The following ACBD6 variants were observed in gnomAD, a reference collection of about 807,000 sequenced individuals.
ACBD6 encodes acyl-CoA binding domain containing 6.
In ACBD6, 28 loss-of-function variants were observed where a neutral mutation model predicts 37.2. The observed-to-expected ratio is 0.75, with a 90% CI of 0.56 to 1.03. The LOEUF is 1.03. Among genes scored for constraint, ACBD6 ranks in the 50% least tolerant of loss-of-function variants. The pLI is 0.00. For missense variants in ACBD6, 340 were observed against 337.4 expected, an observed-to-expected ratio of 1.01 and a Z score of -0.06; for synonymous variants, 113 against 126.8, an observed-to-expected ratio of 0.89 and a Z score of 0.73.
At position 180,377,262 on chromosome 1, in the gene ACBD6, T is replaced by C. The variant is rs1653471272; in HGVS notation, c.663+20254A>G. 3.9e-5 allele frequency among the ~76,000 whole-genome samples: 6 copies of C among 152,040 alleles called. No homozygotes were observed. The South Asian group carries it at 1.2e-3, about 31-fold the overall frequency. On this transcript the variant is annotated intron_variant, in intron 6 of 7. Coordinates refer to ENST00000367595, the MANE Select transcript of ACBD6 (RefSeq NM_032360.4). ...ACACGATATTCTATACAAATACAGATACAGAGATACAGAAATAGAGTATGT... is the reference window on the plus strand; with the variant it reads ...ACACGATATTCTATACAAATACAGACACAGAGATACAGAAATAGAGTATGT...
chr1:180,373,286 AT>A (rs1653326013), intron 6 of ACBD6, among the ~76,000 whole-genome samples: 1 of 152,190 alleles, frequency 6.6e-6, no homozygotes, highest in African/African-American at 2.4e-5. Context: ...GAATACAAAA[AT>A]CAAAGTACTT....
chr1:180,452,241 G>A (rs1571529899), intron 3 of ACBD6, among the ~76,000 whole-genome samples: 1 of 152,136 alleles, frequency 6.6e-6, no homozygotes, highest in Non-Finnish European at 1.5e-5. Context: ...GGAGGCTGAC[G>A]TGGGCAGATC....
At chr1:180,489,960 G>A (rs1651429635) in intron 3 of ACBD6, among the ~76,000 whole-genome samples, 1 of 152,112 alleles carries the variant, frequency 6.6e-6, no homozygotes, top group African/African-American at 2.4e-5. Flanking sequence ...TGCTTGGCCT[G>A]CAAGCATTTT....
chr1:180,322,339 C>A (rs1651106241), intron 6 of ACBD6, among the ~76,000 whole-genome samples: 1 of 151,842 alleles, frequency 6.6e-6, no homozygotes, highest in South Asian at 2.1e-4. Flanking sequence ...TGATCTTTGT[C>A]TGGTTTTGGT....
At chr1:180,323,166 T>C (rs1024090393) in intron 6 of ACBD6, among the ~76,000 whole-genome samples, 4 of 152,048 alleles carry the variant, frequency 2.6e-5, no homozygotes, top group Non-Finnish European at 4.4e-5. Context: ...TTTCCAAAAT[T>C]ATTCTTGTTA....
chr1:180,467,196 C>G (rs1051329891), intron 3 of ACBD6, among the ~76,000 whole-genome samples: 3 of 152,036 alleles, frequency 2.0e-5, no homozygotes, highest in African/African-American at 7.2e-5. Flanking sequence ...CCTCCCATCT[C>G]AGCCTTCTGA....
At chr1:180,296,927 C>A (rs1003743849) in intron 7 of ACBD6, among the ~76,000 whole-genome samples, 1 of 151,936 alleles carries the variant, frequency 6.6e-6, no homozygotes, top group South Asian at 2.1e-4. Flanking sequence ...GAGATCGAAA[C>A]CATCCTGGCT....
intron 4 of ACBD6, among the ~76,000 whole-genome samples, chr1:180,414,766 A>C (rs935169681): frequency 1.3e-5 from 2 of 152,242 alleles, no homozygotes; most frequent in African/African-American, 4.8e-5. Flanking sequence ...GGTTTTAAGT[A>C]AGAAATCATG....
chr1:180,422,975 T>C (rs1160140225), intron 4 of ACBD6, among the ~76,000 whole-genome samples: 1 of 152,228 alleles, frequency 6.6e-6, no homozygotes, highest in Non-Finnish European at 1.5e-5. Context: ...GCTTTTTTTT[T>C]ACATTTTTCT....
chr1:180,379,682 G>T (rs1461677423), intron 6 of ACBD6, among the ~76,000 whole-genome samples: 2 of 152,006 alleles, frequency 1.3e-5, no homozygotes, highest in East Asian at 3.8e-4. Flanking sequence ...TTGAAGACAG[G>T]TCTTCGCAGA....
intron 6 of ACBD6, among the ~76,000 whole-genome samples, chr1:180,389,498 C>A (rs1292829632): frequency 3.9e-5 from 6 of 151,990 alleles, no homozygotes; most frequent in Admixed American, 2.6e-4. Flanking sequence ...ATGATTTATA[C>A]TCCTTTGGGT....
intron 6 of ACBD6, among the ~76,000 whole-genome samples, chr1:180,340,529 A>T (rs1651938891): frequency 6.6e-6 from 1 of 152,084 alleles, no homozygotes; most frequent in Admixed American, 6.6e-5. Flanking sequence ...TGTAAAAAGG[A>T]GGAAAGAAAT....
intron 6 of ACBD6, among the ~76,000 whole-genome samples, chr1:180,344,731 A>G (rs541577895): frequency 6.6e-6 from 1 of 152,256 alleles, no homozygotes; most frequent in Non-Finnish European, 1.5e-5. Context: ...ATGCTCAGAG[A>G]CATTATATAA....
chr1:180,436,946 C>T (rs972892331), intron 3 of ACBD6, among the ~76,000 whole-genome samples: 21 of 152,284 alleles, frequency 1.4e-4, no homozygotes, highest in Non-Finnish European at 2.6e-4. Flanking sequence ...ATTCTCATCA[C>T]TTCTATTCAA....
chr1:180,429,895 T>C (rs973328669), intron 4 of ACBD6, among the ~76,000 whole-genome samples: 1 of 152,172 alleles, frequency 6.6e-6, no homozygotes, highest in African/African-American at 2.4e-5. Context: ...TAGACACCAA[T>C]GAAAAGTAAT....
chr1:180,368,588 T>G (rs1311196121), intron 6 of ACBD6, among the ~76,000 whole-genome samples: 4 of 152,142 alleles, frequency 2.6e-5, no homozygotes, highest in African/African-American at 9.7e-5. Context: ...TTCAATCTTC[T>G]GCATATGGCT....
At chr1:180,416,592 G>A (rs911891250) in intron 4 of ACBD6, among the ~76,000 whole-genome samples, 1 of 152,046 alleles carries the variant, frequency 6.6e-6, no homozygotes, top group Admixed American at 6.6e-5. Context: ...GTTATCTCTA[G>A]CACAAAACAG....
At chr1:180,379,337 C>T (rs993634293) in intron 6 of ACBD6, among the ~76,000 whole-genome samples, 1 of 152,060 alleles carries the variant, frequency 6.6e-6, no homozygotes, top group Non-Finnish European at 1.5e-5. Context: ...ACCTAAGAAA[C>T]ATGAAAAAGC....
intron 4 of ACBD6, among the ~76,000 whole-genome samples, chr1:180,415,090 A>G (rs1648025200): frequency 6.6e-6 from 1 of 151,862 alleles, no homozygotes; most frequent in Admixed American, 6.6e-5. Context: ...AAAATAAAAA[A>G]AACAAAAACA....
Sources: allele counts gnomAD v4.1 joint callset (sites outside exome capture counted in the v4.1 genomes callset), GRCh38; gene constraint gnomAD v4.1.1; transcripts MANE v1.5; gene names NCBI Gene and HGNC (gene_info 2026-07-23, HGNC 2026-07-21).